The following C16orf87 variants were observed in gnomAD, a reference collection of about 807,000 sequenced individuals.
C16orf87 encodes HDAC and MIER1 interacting protein 1.
A neutral mutation model predicts 21.0 loss-of-function variants in C16orf87; 13 were observed. That is an observed-to-expected ratio of 0.62 (90% CI 0.40 to 0.98). C16orf87 has a LOEUF of 0.98. Ranked by LOEUF, C16orf87 falls within the 50% of genes least tolerant of loss-of-function variation. The pLI, the probability that C16orf87 is intolerant of heterozygous loss-of-function variation, is 0.00. For missense variants in C16orf87, 113 were observed against 180.4 expected (o/e 0.63, Z 2.14); for synonymous variants, 49 against 60.2 (o/e 0.81, Z 0.86).
At chr16:46,828,952 T>C (rs1462221165) in intron 1 of C16orf87, among the ~76,000 whole-genome samples, 1 of 152,172 alleles carries the variant, frequency 6.6e-6, no homozygotes, top group Non-Finnish European at 1.5e-5. Flanking sequence ...GTATTTGGAA[T>C]AAAGGACAAA....
Position 46,801,557 on chromosome 16 carries a change from G to T in C16orf87, c.*1395C>A, listed in dbSNP as rs577146528. The T allele has an allele frequency of 6.6e-6, 1 of 152,294 alleles. No homozygotes were observed. The highest frequency in any genetic ancestry group is 1.9e-4 in the East Asian group (1 of 5,192). 9.4% of individuals were successfully genotyped at this position (152,294 alleles called of 1,614,324 possible). On this transcript the variant is annotated 3_prime_UTR_variant, in exon 4 of 4. Transcript: ENST00000285697. ...ATAAAATGCATACAAAATAGTTGCA[G>T]TAGTACCTGCAGATAGATACAGGGA...
chr16:46,827,327 G>A (rs530590100), intron 1 of C16orf87, among the ~76,000 whole-genome samples: 4 of 152,064 alleles, frequency 2.6e-5, no homozygotes, highest in African/African-American at 9.6e-5. Flanking sequence ...GACAACTTCA[G>A]TAATATTAAC....
intron 3 of C16orf87, among the ~76,000 whole-genome samples, chr16:46,804,060 T>C (rs1967851907): frequency 6.6e-6 from 1 of 152,254 alleles, no homozygotes; most frequent in Admixed American, 6.5e-5. Context: ...ACTTTTCCTT[T>C]ACATTGTTTT....
At chr16:46,824,526 T>C (rs931179092) in intron 1 of C16orf87, 44 bp from the exon 2 acceptor site, 7 of 843,472 alleles carry the variant, frequency 8.3e-6, no homozygotes, top group South Asian at 5.4e-5. Flanking sequence ...TATTTTTCTA[T>C]TGTTAAATTT....
Position 46,797,054 on chromosome 16 carries a change from G to C in C16orf87, c.*5898C>G, listed in dbSNP as rs1967627637. 1 of 152,160 alleles carries C rather than the reference G, an allele frequency of 6.6e-6. No homozygotes were observed. Among genetic ancestry groups the C allele is most frequent in the Non-Finnish European group, 1.5e-5 (1 of 68,026 alleles). 9.4% of individuals were successfully genotyped at this position (152,160 alleles called of 1,614,324 possible). A position where few individuals can be genotyped will look rare whatever the true frequency, so the allele number is the denominator to read the frequency against. Reference sequence around the variant, plus strand: ...AGAAACCATGGAGGCTGAAAGAACTGTCAACACAGTAGTTTATATCCAGCA... The same window carrying C: ...AGAAACCATGGAGGCTGAAAGAACTCTCAACACAGTAGTTTATATCCAGCA... On this transcript the variant is annotated 3_prime_UTR_variant, in exon 4 of 4. Transcript: ENST00000285697.
Position 46,809,803 on chromosome 16 carries a change from A to G in C16orf87, c.164-18T>C, listed in dbSNP as rs1314245537. Reference sequence around the variant, plus strand: ...CTTGTTTTCTGTATGGATGAATAAAAGTGATATATTTTAGGGCTTAGCAAG... The same window carrying G: ...CTTGTTTTCTGTATGGATGAATAAAGGTGATATATTTTAGGGCTTAGCAAG... On this transcript the variant is annotated intron_variant, in intron 2 of 3. Transcript: ENST00000285697. 1 of 1,555,916 alleles carries G rather than the reference A, an allele frequency of 6.4e-7. No homozygotes were observed. Among genetic ancestry groups the G allele is most frequent in the Non-Finnish European group, 8.8e-7 (1 of 1,138,146 alleles).
At chr16:46,814,853 T>C (rs1249757024) in intron 2 of C16orf87, among the ~76,000 whole-genome samples, 1 of 152,182 alleles carries the variant, frequency 6.6e-6, no homozygotes, top group Non-Finnish European at 1.5e-5. Context: ...AATAAGATTA[T>C]TTTTGCAGAA....
chr16:46,822,772 A>G (rs552104796), intron 2 of C16orf87, among the ~76,000 whole-genome samples: 23 of 152,334 alleles, frequency 1.5e-4, no homozygotes, highest in African/African-American at 5.1e-4. Flanking sequence ...TTCTCTACAC[A>G]GCAGCTAGAA....
At chr16:46,810,899 G>A (rs1331149527) in intron 2 of C16orf87, among the ~76,000 whole-genome samples, 2 of 152,092 alleles carry the variant, frequency 1.3e-5, no homozygotes, top group African/African-American at 2.4e-5. Flanking sequence ...AACTGTAACA[G>A]ATTGAAATAT....
chr16:46,829,647 A>G (rs1959767845), intron 1 of C16orf87, among the ~76,000 whole-genome samples: 1 of 152,198 alleles, frequency 6.6e-6, no homozygotes, highest in Non-Finnish European at 1.5e-5. Context: ...CAGTTTTGTC[A>G]AAATTTAACA....
At chr16:46,820,220 T>C (rs1959360588) in intron 2 of C16orf87, among the ~76,000 whole-genome samples, 1 of 152,206 alleles carries the variant, frequency 6.6e-6, no homozygotes, top group African/African-American at 2.4e-5. Flanking sequence ...TGTACAATAA[T>C]TGAATAAGAG....
chr16:46,804,531 C>A (rs1967867487), intron 3 of C16orf87, among the ~76,000 whole-genome samples: 1 of 152,218 alleles, frequency 6.6e-6, no homozygotes, highest in African/African-American at 2.4e-5. Flanking sequence ...CCGCTTAGAA[C>A]TGTGAAGGCA....
chr16:46,802,054 T>C lies in C16orf87; in HGVS notation c.*898A>G, dbSNP rs531453398. ...CACTATTTAATCTACTTAGTTTCAA[T>C]ATTAAGGTTTATTTTTTCTTCCAGA... On this transcript the variant is annotated 3_prime_UTR_variant, in exon 4 of 4. Coordinates refer to ENST00000285697, the MANE Select transcript of C16orf87 (RefSeq NM_001001436.4). The C allele has an allele frequency of 6.6e-6, 1 of 152,322 alleles. No individual in the cohort carries two copies. Among genetic ancestry groups the C allele is most frequent in the South Asian group, 2.1e-4 (1 of 4,832 alleles). 9.4% of individuals were successfully genotyped at this position (152,322 alleles called of 1,614,324 possible).
chr16:46,806,068 A>C (rs1967919505), intron 3 of C16orf87, among the ~76,000 whole-genome samples: 1 of 152,122 alleles, frequency 6.6e-6, no homozygotes. Context: ...TCATAAAAAG[A>C]CTTGCAAACA....
chr16:46,821,565 G>A (rs931712816), intron 2 of C16orf87, among the ~76,000 whole-genome samples: 1 of 152,124 alleles, frequency 6.6e-6, no homozygotes, highest in Admixed American at 6.6e-5. Context: ...GAAATCTCAG[G>A]AAACTCCAAA....
intron 2 of C16orf87, among the ~76,000 whole-genome samples, chr16:46,819,600 G>A (rs1039802006): frequency 1.3e-5 from 2 of 151,832 alleles, no homozygotes; most frequent in Non-Finnish European, 2.9e-5. Flanking sequence ...GTGAGCCACC[G>A]TGCCGGCTGA....
intron 2 of C16orf87, among the ~76,000 whole-genome samples, chr16:46,816,337 C>T (rs1162747140): frequency 1.3e-5 from 2 of 152,114 alleles, no homozygotes; most frequent in African/African-American, 4.8e-5. Context: ...TATGAATGCA[C>T]TTAATGCCAC....
chr16:46,819,818 T>C (rs770779299), intron 2 of C16orf87, among the ~76,000 whole-genome samples: 2 of 151,536 alleles, frequency 1.3e-5, no homozygotes, highest in Non-Finnish European at 2.9e-5. Context: ...CTACTAAAAA[T>C]ACAAAATTAG....
rs776311594 is a variant in C16orf87 at position 46,809,019 on chromosome 16, CAA to C, written c.346+582_346+583del. On this transcript the variant is annotated intron_variant, in intron 3 of 3. Transcript: ENST00000285697. Reference sequence around the variant, plus strand: ...AGAACTCAGACATGTCTTTAAAAGACAAAAAAAAAAAAAAAAAAAAGAGGTCC... The same window carrying C: ...AGAACTCAGACATGTCTTTAAAAGACAAAAAAAAAAAAAAAAAAGAGGTCC... Among the ~76,000 whole-genome samples the C allele has an allele frequency of 6.0e-3, 308 of 51,514 alleles. 2 individuals are homozygous for C. The highest frequency in any genetic ancestry group is 0.019 in the African/African-American group (274 of 14,310). The allele number at this position is 51,514 out of a possible 152,430, so 33.8% of individuals were successfully genotyped here.
Sources: allele counts gnomAD v4.1 joint callset (sites outside exome capture counted in the v4.1 genomes callset), GRCh38; gene constraint gnomAD v4.1.1; transcripts MANE v1.5; gene names NCBI Gene and HGNC (gene_info 2026-07-23, HGNC 2026-07-21).